The following PTPRN2 variants were observed in gnomAD, a reference collection of about 807,000 sequenced individuals.
PTPRN2 encodes protein tyrosine phosphatase receptor type N2, also known as receptor-type tyrosine-protein phosphatase N2.
Under a neutral mutation model 118.8 loss-of-function variants are expected in PTPRN2, and 74 were observed. That is an observed-to-expected ratio of 0.62 (90% CI 0.52 to 0.76). PTPRN2 has a LOEUF of 0.76. PTPRN2 is among the 30% of genes least tolerant of loss of function. PTPRN2 has a pLI of 0.00. For synonymous variants in PTPRN2, 641 were observed against 608.0 expected, an observed-to-expected ratio of 1.05 and a Z score of -0.80; for missense variants, 1,481 against 1,394.4, an observed-to-expected ratio of 1.06 and a Z score of -0.99.
chr7:157,592,922 C>T (rs539808554), intron 17 of PTPRN2, among the ~76,000 whole-genome samples: 37 of 118,040 alleles, frequency 3.1e-4, no homozygotes, highest in South Asian at 2.8e-3. Flanking sequence ...TCACGCAGGA[C>T]GGAGGGTGGA....
At chr7:157,593,553 G>C (rs750183099) in intron 17 of PTPRN2, among the ~76,000 whole-genome samples, 4 of 152,248 alleles carry the variant, frequency 2.6e-5, no homozygotes, top group Admixed American at 2.0e-4. Context: ...TTAGGACTCC[G>C]TGGGTATTCT....
intron 12 of PTPRN2, among the ~76,000 whole-genome samples, chr7:157,714,168 G>A (rs575120698): frequency 1.3e-5 from 2 of 152,196 alleles, no homozygotes; most frequent in African/African-American, 2.4e-5. Context: ...CACAGGTCAC[G>A]TTAGAAGGCT....
At chr7:158,287,905 G>T (rs1448836211) in intron 3 of PTPRN2, among the ~76,000 whole-genome samples, 1 of 152,126 alleles carries the variant, frequency 6.6e-6, no homozygotes, top group Admixed American at 6.5e-5. Flanking sequence ...ATTGCCGAAA[G>T]TGGGTATTGA....
At chr7:158,251,241 G>A (rs1284826744) in intron 3 of PTPRN2, among the ~76,000 whole-genome samples, 1 of 152,192 alleles carries the variant, frequency 6.6e-6, no homozygotes, top group Non-Finnish European at 1.5e-5. Flanking sequence ...GCCTGCTGAG[G>A]TCCCTGGGGT....
At chr7:157,882,573 C>T (rs562665816) in intron 12 of PTPRN2, among the ~76,000 whole-genome samples, 2 of 151,360 alleles carry the variant, frequency 1.3e-5, no homozygotes, top group Non-Finnish European at 2.9e-5. Flanking sequence ...CAGAACACCT[C>T]ACCCCAAAAA....
intron 3 of PTPRN2, among the ~76,000 whole-genome samples, chr7:158,315,171 C>T (rs1200140395): frequency 9.4e-5 from 13 of 137,652 alleles, no homozygotes; most frequent in African/African-American, 3.4e-4. Flanking sequence ...GAGGTGAACC[C>T]GGGACCCCCT....
At chr7:158,583,471 C>T (rs1281883372) in intron 1 of PTPRN2, among the ~76,000 whole-genome samples, 1 of 152,042 alleles carries the variant, frequency 6.6e-6, no homozygotes, top group Non-Finnish European at 1.5e-5. Context: ...TTGCCCACCC[C>T]CACCTCCCCT....
At chr7:158,434,966 C>G (rs553787731) in intron 2 of PTPRN2, among the ~76,000 whole-genome samples, 1 of 152,298 alleles carries the variant, frequency 6.6e-6, no homozygotes, top group Admixed American at 6.5e-5. Flanking sequence ...AAAATGGATT[C>G]ATGCCTTAAA....
At chr7:158,064,059 G>A (rs1810566836) in intron 11 of PTPRN2, among the ~76,000 whole-genome samples, 1 of 152,180 alleles carries the variant, frequency 6.6e-6, no homozygotes, top group Non-Finnish European at 1.5e-5. Flanking sequence ...AATTCCACCA[G>A]CAGGGACCAT....
At chr7:158,542,480 G>A (rs1410109526) in intron 1 of PTPRN2, among the ~76,000 whole-genome samples, 1 of 152,166 alleles carries the variant, frequency 6.6e-6, no homozygotes, top group African/African-American at 2.4e-5. Context: ...TACTCTTACT[G>A]GGACATAAGA....
rs760331652 is a variant in PTPRN2, at chr7:157,671,885, G to A, written c.2001+10840C>T. Among the ~76,000 whole-genome samples the A allele has an allele frequency of 1.9e-4, 29 of 152,120 alleles. No individual in the cohort carries two copies. Among genetic ancestry groups the A allele is most frequent in the Non-Finnish European group, 3.7e-4 (25 of 68,032 alleles). ...GGTCTCAGAGGTCTCAGCTCTGACC[G>A]AAGGGTGCTGAGCCCTAAGGTCTGT... On this transcript the variant is annotated intron_variant, in intron 13 of 22. Coordinates refer to ENST00000389418, the MANE Select transcript of PTPRN2 (RefSeq NM_002847.5). The surrounding 1 kb of genome is among the most constrained non-coding windows in gnomAD (Gnocchi z 4.1).
intron 11 of PTPRN2, among the ~76,000 whole-genome samples, chr7:158,071,115 AGGTGCCCG>A (rs1811415685): frequency 1.5e-5 from 1 of 66,718 alleles, no homozygotes; most frequent in Non-Finnish European, 2.9e-5. Flanking sequence ...GTGGTGGTGG[AGGTGCCCG>A]TGGTGGTGGA....
intron 12 of PTPRN2, among the ~76,000 whole-genome samples, chr7:157,816,436 C>G (rs112194677): frequency 6.6e-6 from 1 of 152,234 alleles, no homozygotes; most frequent in African/African-American, 2.4e-5. Context: ...TGGCAGAGGC[C>G]GAGCCAGCCT....
intron 2 of PTPRN2, among the ~76,000 whole-genome samples, chr7:158,319,432 A>AGCCTCCCTCACACACG: frequency 7.9e-6 from 1 of 126,520 alleles, no homozygotes; most frequent in South Asian, 2.7e-4. Flanking sequence ...ACACACACAC[A>AGCCTCCCTCACACACG]CACAGCCTCC....
intron 17 of PTPRN2, among the ~76,000 whole-genome samples, chr7:157,582,947 G>C (rs1197705792): frequency 6.6e-6 from 1 of 151,842 alleles, no homozygotes; most frequent in Non-Finnish European, 1.5e-5. Flanking sequence ...CAGAACCACT[G>C]TGTGATCCAG....
intron 3 of PTPRN2, among the ~76,000 whole-genome samples, chr7:158,258,261 G>A (rs62479643): frequency 0.07 from 10,717 of 152,272 alleles, 521 homozygotes; most frequent in Non-Finnish European, 0.1. Flanking sequence ...AACACAGGCC[G>A]TCCTGAATCA....
chr7:158,301,069 A>C (rs571123059), intron 3 of PTPRN2, among the ~76,000 whole-genome samples: 1 of 152,344 alleles, frequency 6.6e-6, no homozygotes, highest in South Asian at 2.1e-4. Context: ...TAATTCAAAA[A>C]TCTTAATGTT....
intron 12 of PTPRN2, among the ~76,000 whole-genome samples, chr7:157,790,040 T>C (rs1804358338): frequency 2.3e-5 from 1 of 42,832 alleles, no homozygotes; most frequent in South Asian, 7.3e-4. Flanking sequence ...GGTGGGGGTG[T>C]GTGTGGTGTT....
rs554339395 is a variant in PTPRN2 at position 157,756,825 on chromosome 7, G to A, written c.1789-73888C>T. On this transcript the variant is annotated intron_variant, in intron 12 of 22. Coordinates refer to ENST00000389418, the MANE Select transcript of PTPRN2 (RefSeq NM_002847.5). Reference sequence around the variant, plus strand: ...AAAAAAAACCCTGTTCCTGATAGACGAGAAACTGCTCAGGGGAAAGAGGAC... The same window carrying A: ...AAAAAAAACCCTGTTCCTGATAGACAAGAAACTGCTCAGGGGAAAGAGGAC... 9.9e-5 allele frequency among the ~76,000 whole-genome samples: 15 copies of A among 151,532 alleles called. No homozygotes were observed. The South Asian group carries it at 1.9e-3, about 19-fold the overall frequency.
Sources: allele counts gnomAD v4.1 joint callset (sites outside exome capture counted in the v4.1 genomes callset), GRCh38; gene constraint gnomAD v4.1.1; non-coding constraint Gnocchi (gnomAD v3.1); transcripts MANE v1.5; gene names NCBI Gene and HGNC (gene_info 2026-07-23, HGNC 2026-07-21).